Variants in RNF207 observed in about 807,000 individuals in gnomAD.
RNF207 encodes the protein ring finger protein 207, also known as OTTHUMG00000001089.
RNF207 carries 72 observed loss-of-function variants against 79.0 expected under a neutral mutation model. That is an observed-to-expected ratio of 0.91 (90% CI 0.75 to 1.11). The LOEUF is 1.11. RNF207 is among the 50% of genes least tolerant of loss of function. The probability of loss-of-function intolerance (pLI) is 0.00; values close to 1 mark genes in which losing one functional copy is unlikely to be tolerated. For missense variants in RNF207, 936 were observed against 855.8 expected (o/e 1.09, Z -1.17); for synonymous variants, 348 against 366.2 (o/e 0.95, Z 0.57).
Position 6,219,439 on chromosome 1 carries a change from T to C in RNF207, c.*32T>C. ...GGACCGGTCCCCAGGGTCAGGCTCTTAGAGCAGGCACAAGACTGGGACACT... is the reference window on the plus strand; with the variant it reads ...GGACCGGTCCCCAGGGTCAGGCTCTCAGAGCAGGCACAAGACTGGGACACT... On this transcript the variant is annotated 3_prime_UTR_variant, in exon 18 of 18. Coordinates refer to ENST00000377939, the MANE Select transcript of RNF207 (RefSeq NM_207396.3). The C allele has an allele frequency of 2.0e-6, 3 of 1,532,510 alleles. No homozygotes were observed. Among genetic ancestry groups the C allele is most frequent in the Admixed American group, 1.9e-5 (1 of 52,290 alleles). The allele number at this position is 1,532,510 out of a possible 1,614,324, so 94.9% of individuals were successfully genotyped here.
rs2100952066 is a variant in RNF207 at position 6,220,141 on chromosome 1, A to G, written c.*734A>G. On this transcript the variant is annotated 3_prime_UTR_variant, in exon 18 of 18. Transcript: ENST00000377939. Reference sequence around the variant, plus strand: ...TAATCATTTGTCAAGAGTAAAACCCAGAAGCTCTGACAGGCCATAATTTCA... The same window carrying G: ...TAATCATTTGTCAAGAGTAAAACCCGGAAGCTCTGACAGGCCATAATTTCA... 6.6e-6 allele frequency: 1 copy of G among 152,320 alleles called. No homozygotes were observed. The highest frequency in any genetic ancestry group is 3.4e-3 in the Middle Eastern group (1 of 294). 9.4% of individuals were successfully genotyped at this position (152,320 alleles called of 1,614,324 possible).
At position 6,209,854 on chromosome 1, in the gene RNF207, G is replaced by A. The variant is rs1171333157; in HGVS notation, c.754-70G>A. The A allele has an allele frequency of 1.4e-5, 21 of 1,482,852 alleles. No homozygotes were observed. In the Admixed American group the frequency reaches 3.7e-4, roughly 26 times the overall value. The allele number at this position is 1,482,852 out of a possible 1,614,324, so 91.9% of individuals were successfully genotyped here. ...TGTAACCAGCAGGTGGCTGGGGTCCGGGGGGTAGGCATGGTGGGAGGTGGC... is the reference window on the plus strand; with the variant it reads ...TGTAACCAGCAGGTGGCTGGGGTCCAGGGGGTAGGCATGGTGGGAGGTGGC... On this transcript the variant is annotated intron_variant, in intron 7 of 17. Transcript: ENST00000377939.
At position 6,219,466 on chromosome 1, in the gene RNF207, G is replaced by C; in HGVS notation, c.*59G>C. 1 of 1,248,926 alleles carries C rather than the reference G, an allele frequency of 8.0e-7. No homozygotes were observed. The highest frequency in any genetic ancestry group is 1.6e-5 in the South Asian group (1 of 64,392). The allele number at this position is 1,248,926 out of a possible 1,614,324, so 77.4% of individuals were successfully genotyped here. A position where few individuals can be genotyped will look rare whatever the true frequency, so the allele number is the denominator to read the frequency against. On this transcript the variant is annotated 3_prime_UTR_variant, in exon 18 of 18. Coordinates refer to ENST00000377939, the MANE Select transcript of RNF207 (RefSeq NM_207396.3). ...GAGCAGGCACAAGACTGGGACACTGGACAGAAGGTTGTTCCCATGATGGTT... is the reference window on the plus strand; with the variant it reads ...GAGCAGGCACAAGACTGGGACACTGCACAGAAGGTTGTTCCCATGATGGTT...
Position 6,220,517 on chromosome 1 carries a change from A to C in RNF207, c.*1110A>C, listed in dbSNP as rs1668514515. 6.6e-6 allele frequency: 1 copy of C among 152,230 alleles called. No homozygotes were observed. Among genetic ancestry groups the C allele is most frequent in the South Asian group, 2.1e-4 (1 of 4,830 alleles). The allele number at this position is 152,230 out of a possible 1,614,324, so 9.4% of individuals were successfully genotyped here. A position where few individuals can be genotyped will look rare whatever the true frequency, so the allele number is the denominator to read the frequency against. On this transcript the variant is annotated 3_prime_UTR_variant, in exon 18 of 18. Coordinates refer to ENST00000377939, the MANE Select transcript of RNF207 (RefSeq NM_207396.3). Reference sequence around the variant, plus strand: ...CACACAGTAATCTGAGCAGTGACTCATGGAAGGATGAGGAACGTTTGCTCC... The same window carrying C: ...CACACAGTAATCTGAGCAGTGACTCCTGGAAGGATGAGGAACGTTTGCTCC...
chr1:6,214,626 C>CTTTTTT (rs1553148919), intron 16 of RNF207, among the ~76,000 whole-genome samples: 2 of 95,608 alleles, frequency 2.1e-5, no homozygotes, highest in Admixed American at 1.0e-4. Context: ...TGGAATATTT[C>CTTTTTT]TTTCTTTTTT....
rs1004286254 is a variant in RNF207 at position 6,208,909 on chromosome 1, C to T, written c.353C>T (p.Thr118Met). 2.6e-6 allele frequency: 4 copies of T among 1,533,646 alleles called. No individual in the cohort carries two copies. The highest frequency in any genetic ancestry group is 2.6e-6 in the Non-Finnish European group (3 of 1,145,190). The change falls in exon 4 of 18, where the codon ACG becomes ATG. Residue 118 changes from threonine (T) to methionine (M), a missense_variant. Transcript: ENST00000377939. ...GTGGAGACCACGTACTTCTGCAACA[C>T]GTGCGGACAGCCCCTATGCGCGCGC... ...QDVETTYFCNTCGQPLCARCR... is the reference protein window; with the variant it reads ...QDVETTYFCNMCGQPLCARCR...
rs1176613154 is a variant in RNF207, at chr1:6,206,640, G to A, written c.105G>A (p.Pro35=). 1.2e-6 allele frequency: 2 copies of A among 1,608,208 alleles called. 1 individual carries two copies. Among genetic ancestry groups the A allele is most frequent in the South Asian group, 2.2e-5 (2 of 91,078 alleles). Residue 35 remains proline (P), a synonymous_variant, in exon 2 of 18, where the codon CCG becomes CCA. Coordinates refer to ENST00000377939, the MANE Select transcript of RNF207 (RefSeq NM_207396.3). ...TGTGCCACGTGCAGTACGAGCGCCC[G>A]TGTCTTCTGGACTGTTTCCACGACT... ...CPLCHVQYER[P]CLLDCFHDFC... is the part of the protein sequence containing the mutation.
intron 16 of RNF207, among the ~76,000 whole-genome samples, chr1:6,213,744 G>A (rs958135710): frequency 1.3e-5 from 2 of 152,192 alleles, no homozygotes; most frequent in African/African-American, 2.4e-5. Flanking sequence ...CAGGCAGCAG[G>A]ACATGGAGGA....
At position 6,218,257 on chromosome 1, in the gene RNF207, C is replaced by T. The variant is rs767116900; in HGVS notation, c.1653-32C>T. 6.2e-5 allele frequency: 97 copies of T among 1,552,966 alleles called. No homozygotes were observed. The East Asian group carries it at 8.5e-4, about 14-fold the overall frequency. Reference sequence around the variant, plus strand: ...GGCCGTGCAGCAGCTGGCTCTGCTCCCTTGAGATTCTGGTGCCCACTCCCT... The same window carrying T: ...GGCCGTGCAGCAGCTGGCTCTGCTCTCTTGAGATTCTGGTGCCCACTCCCT... On this transcript the variant is annotated intron_variant, in intron 16 of 17. Transcript: ENST00000377939.
intron 17 of RNF207, among the ~76,000 whole-genome samples, 183 bp from the exon 18 acceptor site, chr1:6,219,053 G>A (rs1668459208): frequency 6.6e-6 from 1 of 152,138 alleles, no homozygotes; most frequent in South Asian, 2.1e-4. Context: ...GCCATCCCCT[G>A]GGGATGGGCT....
In RNF207 at chr1:6,217,839, G is replaced by A. The variant is rs1426455552; in HGVS notation, c.1653-450G>A. Among the ~76,000 whole-genome samples the A allele has an allele frequency of 2.6e-5, 4 of 152,170 alleles. No individual in the cohort carries two copies. The highest frequency in any genetic ancestry group is 6.5e-5 in the Admixed American group (1 of 15,278). ...GGACCTTCCCTGTGCACCTGTGACC[G>A]TGTCTGCCCCTCATAACACCCTAGT... On this transcript the variant is annotated intron_variant, in intron 16 of 17. Coordinates refer to ENST00000377939, the MANE Select transcript of RNF207 (RefSeq NM_207396.3). This position sits in a 1 kb window ranked among gnomAD's most constrained non-coding sequence, Gnocchi z 4.2.
At chr1:6,215,035 T>C (rs868856987) in intron 16 of RNF207, among the ~76,000 whole-genome samples, 2 of 130,970 alleles carry the variant, frequency 1.5e-5, no homozygotes, top group African/African-American at 3.5e-5. Context: ...CCTATTTCCC[T>C]TTTTTTTTTT....
rs1247885606 is a variant in RNF207 at position 6,211,214 on chromosome 1, G to A, written c.1109+96G>A. On this transcript the variant is annotated intron_variant, in intron 12 of 17. Coordinates refer to ENST00000377939, the MANE Select transcript of RNF207 (RefSeq NM_207396.3). The surrounding 1 kb of genome is among the most constrained non-coding windows in gnomAD (Gnocchi z 4.2). ...GGGCCAGATCGCCAGCAAGAAGCCAGGTGCCACCATTCCTTCCTCCGTCCT... is the reference window on the plus strand; with the variant it reads ...GGGCCAGATCGCCAGCAAGAAGCCAAGTGCCACCATTCCTTCCTCCGTCCT... 3 of 807,998 alleles carry A rather than the reference G, an allele frequency of 3.7e-6. No individual in the cohort carries two copies. 50.1% of individuals were successfully genotyped at this position (807,998 alleles called of 1,614,324 possible).
chr1:6,206,226 C>T lies in RNF207; in HGVS notation c.-77C>T, dbSNP rs1161090228. On this transcript the variant is annotated 5_prime_UTR_variant, in exon 1 of 18. Transcript: ENST00000377939. ...CCGCGCGGTGTCTCAGAGCGCGGCC[C>T]GGAGCCGCACTAAGAGCGCTGGACG... is the stretch of plus-strand genomic sequence containing the variant. 1 of 334,356 alleles carries T rather than the reference C, an allele frequency of 3.0e-6. No individual in the cohort carries two copies. The highest frequency in any genetic ancestry group is 4.8e-5 in the Admixed American group (1 of 20,828). 20.7% of individuals were successfully genotyped at this position (334,356 alleles called of 1,614,324 possible).
chr1:6,210,832 A>G, intron 10 of RNF207, 38 bp from the exon 11 acceptor site: 1 of 1,556,722 alleles, frequency 6.4e-7, no homozygotes, highest in South Asian at 1.2e-5. Flanking sequence ...CCTGGCTGCC[A>G]CACCTCCACC....
intron 7 of RNF207, among the ~76,000 whole-genome samples, 188 bp downstream of exon 7, chr1:6,209,727 T>G (rs1457666760): frequency 1.3e-5 from 2 of 151,472 alleles, no homozygotes; most frequent in African/African-American, 2.4e-5. Context: ...GGGTGTGAGG[T>G]GGTCAGGAAA....
intron 16 of RNF207, among the ~76,000 whole-genome samples, chr1:6,216,789 C>T (rs948094038): frequency 2.0e-5 from 3 of 150,000 alleles, no homozygotes; most frequent in Admixed American, 6.7e-5. Flanking sequence ...AGGATGGTCT[C>T]GATCTCCTGA....
chr1:6,206,559 C>T lies in RNF207; in HGVS notation c.24C>T (p.Pro8=), dbSNP rs1667909754. 1.3e-6 allele frequency: 2 copies of T among 1,592,752 alleles called. No individual in the cohort carries two copies. The change falls in exon 2 of 18, where the codon CCC becomes CCT. Residue 8 remains proline (P), a synonymous_variant. Transcript: ENST00000377939. Reference sequence around the variant, plus strand: ...AGATGTCGGGAGCTATCTTCGGGCCCCTGGAGGGCCCGAGCTCCCTGGATG... The same window carrying T: ...AGATGTCGGGAGCTATCTTCGGGCCTCTGGAGGGCCCGAGCTCCCTGGATG... MSGAIFG[P]LEGPSSLDAP...
chr1:6,212,990 G>A, intron 15 of RNF207, 76 bp from the exon 16 acceptor site: 1 of 995,676 alleles, frequency 1.0e-6, no homozygotes, highest in Non-Finnish European at 1.6e-6. Flanking sequence ...ATATTTACGT[G>A]GTGCCTGGCT....
Sources: gnomAD v4.1 joint callset for allele counts (sites outside exome capture counted in the v4.1 genomes callset) on GRCh38, gnomAD v4.1.1 for gene constraint, Gnocchi (gnomAD v3.1) non-coding constraint, MANE v1.5 for transcripts, NCBI Gene and HGNC (gene_info 2026-07-23, HGNC 2026-07-21) for gene names.